ZNF407: variants seen among roughly 807,000 people sequenced by gnomAD.
The protein encoded by ZNF407 is zinc finger protein 407.
ZNF407 carries 17 observed loss-of-function variants against 131.2 expected under a neutral mutation model. The ratio of observed to expected loss-of-function variants is 0.13; its 90% confidence interval spans 0.09 to 0.19. ZNF407 has a LOEUF of 0.19. Ranked by LOEUF, ZNF407 falls within the 10% of genes least tolerant of loss-of-function variation. The pLI is 1.00. For synonymous variants in ZNF407, 1,156 were observed against 1,062.0 expected (o/e 1.09, Z -1.72); for missense variants, 2,681 against 2,830.6 (o/e 0.95, Z 1.20).
chr18:74,851,091 ATAAAT>A (rs1444291205), intron 4 of ZNF407, among the ~76,000 whole-genome samples: 2 of 152,248 alleles, frequency 1.3e-5, no homozygotes, highest in African/African-American at 4.8e-5. Context: ...CATTTTGAAG[ATAAAT>A]TAACGTGTAG....
At chr18:74,735,182 T>G (rs988846957) in intron 3 of ZNF407, among the ~76,000 whole-genome samples, 2 of 152,220 alleles carry the variant, frequency 1.3e-5, no homozygotes, top group Non-Finnish European at 2.9e-5. Flanking sequence ...GATGCACCAG[T>G]CTTTAATTTC....
intron 3 of ZNF407, among the ~76,000 whole-genome samples, chr18:74,669,781 G>C (rs577531953): frequency 1.3e-5 from 2 of 152,302 alleles, no homozygotes; most frequent in East Asian, 3.9e-4. Context: ...GGTTAGAGTA[G>C]AATTTTCAGA....
intron 8 of ZNF407, among the ~76,000 whole-genome samples, chr18:75,003,316 G>A (rs1366849035): frequency 6.6e-6 from 1 of 152,216 alleles, no homozygotes; most frequent in South Asian, 2.1e-4. Context: ...CCCATACACA[G>A]CATTTGCTAA....
chr18:74,995,031 C>A (rs1972764202), intron 8 of ZNF407, among the ~76,000 whole-genome samples: 1 of 152,180 alleles, frequency 6.6e-6, no homozygotes, highest in African/African-American at 2.4e-5. Flanking sequence ...AATCTTTACT[C>A]AATGTATGTA....
intron 4 of ZNF407, among the ~76,000 whole-genome samples, chr18:74,846,134 G>A (rs1252270944): frequency 6.6e-6 from 1 of 152,100 alleles, no homozygotes. Flanking sequence ...GAGGAAATGT[G>A]AACATTCAAA....
At chr18:75,056,961 T>C (rs1973568855) in intron 8 of ZNF407, among the ~76,000 whole-genome samples, 1 of 152,246 alleles carries the variant, frequency 6.6e-6, no homozygotes, top group Admixed American at 6.5e-5. Flanking sequence ...CTTAACATTC[T>C]TGTTAAAATT....
intron 3 of ZNF407, among the ~76,000 whole-genome samples, chr18:74,748,320 A>C (rs1838966892): frequency 6.6e-6 from 1 of 151,506 alleles, no homozygotes; most frequent in East Asian, 1.9e-4. Flanking sequence ...TAAGTAGTCA[A>C]ATTCTTGAGG....
At chr18:75,014,192 G>T (rs183123038) in intron 8 of ZNF407, among the ~76,000 whole-genome samples, 1 of 152,184 alleles carries the variant, frequency 6.6e-6, no homozygotes, top group African/African-American at 2.4e-5. Flanking sequence ...TCTTGAGAAA[G>T]TAGGCAAAGT....
intron 3 of ZNF407, among the ~76,000 whole-genome samples, chr18:74,658,510 TG>T: frequency 6.6e-6 from 1 of 152,162 alleles, no homozygotes. Flanking sequence ...ACAGGTTTAA[TG>T]GGTAAAGAAC....
rs555481324 is a variant in ZNF407, at chr18:74,869,466, G to C, written c.4878-7731G>C. ...CTGACTGGAATGGGTCTCATATGCA[G>C]TATAATTCCTTCCACCTGTTCTTCT... On this transcript the variant is annotated intron_variant, in intron 4 of 8. Transcript: ENST00000299687. Among the ~76,000 whole-genome samples the C allele has an allele frequency of 3.3e-5, 5 of 152,330 alleles. No individual in the cohort carries two copies. The East Asian group carries it at 9.6e-4, about 29-fold the overall frequency.
rs1316351424 is a variant in ZNF407, at chr18:74,925,176, A to G, written c.5428+4484A>G. On this transcript the variant is annotated intron_variant, in intron 8 of 8. Coordinates refer to ENST00000299687, the MANE Select transcript of ZNF407 (RefSeq NM_017757.3). ...CATTTAAATTAATTTTATTTTCATCAGTTTTTACATATGCTAAGACTTGGT... is the reference window on the plus strand; with the variant it reads ...CATTTAAATTAATTTTATTTTCATCGGTTTTTACATATGCTAAGACTTGGT... Among the ~76,000 whole-genome samples the G allele has an allele frequency of 2.0e-5, 3 of 152,148 alleles. No individual in the cohort carries two copies. The East Asian group carries it at 5.8e-4, about 29-fold the overall frequency.
At chr18:74,857,449 T>A in intron 4 of ZNF407, among the ~76,000 whole-genome samples, 1 of 152,296 alleles carries the variant, frequency 6.6e-6, no homozygotes. Context: ...TCCTTGAATT[T>A]ATTGAGCACC....
intron 3 of ZNF407, among the ~76,000 whole-genome samples, chr18:74,738,613 C>T (rs1968476768): frequency 6.6e-6 from 1 of 151,598 alleles, no homozygotes. Context: ...GTGGTGTGCT[C>T]CTGTAGTCCC....
intron 8 of ZNF407, among the ~76,000 whole-genome samples, chr18:75,029,319 T>C (rs944893363): frequency 6.6e-6 from 1 of 152,186 alleles, no homozygotes; most frequent in East Asian, 1.9e-4. Flanking sequence ...CTTGTGAGTG[T>C]TTTATATAGC....
intron 3 of ZNF407, among the ~76,000 whole-genome samples, chr18:74,708,117 G>T (rs2144838896): frequency 6.6e-6 from 1 of 152,120 alleles, no homozygotes; most frequent in South Asian, 2.1e-4. Context: ...TTAAATAAAA[G>T]AAACAACAAA....
intron 8 of ZNF407, among the ~76,000 whole-genome samples, chr18:75,044,623 T>G (rs980728418): frequency 6.6e-6 from 1 of 152,224 alleles, no homozygotes; most frequent in Non-Finnish European, 1.5e-5. Flanking sequence ...CCCGTCACTA[T>G]GGCCCGTGTC....
At position 74,632,711 on chromosome 18, in the gene ZNF407, C is replaced by T. The variant is rs1221866159; in HGVS notation, c.1692C>T (p.Phe564=). The part of the protein sequence containing the change: ...EMKFYCRTCD[F]SSMSRRDLDE... Reference sequence around the variant, plus strand: ...AATTTTACTGCCGTACTTGTGACTTCTCTAGTATGTCAAGAAGGGACTTAG... The same window carrying T: ...AATTTTACTGCCGTACTTGTGACTTTTCTAGTATGTCAAGAAGGGACTTAG... The change falls in exon 2 of 9, where the codon TTC becomes TTT. Residue 564 remains phenylalanine (F), a synonymous_variant. Coordinates refer to ENST00000299687, the MANE Select transcript of ZNF407 (RefSeq NM_017757.3). 9 of 1,614,010 alleles carry T rather than the reference C, an allele frequency of 5.6e-6. No individual in the cohort carries two copies. Among genetic ancestry groups the T allele is most frequent in the South Asian group, 1.1e-5 (1 of 91,088 alleles).
chr18:74,626,088 A>G (rs1983773616), intron 1 of ZNF407, among the ~76,000 whole-genome samples: 1 of 152,242 alleles, frequency 6.6e-6, no homozygotes, highest in South Asian at 2.1e-4. Context: ...AAACAACCAA[A>G]TTAAGAAACA....
intron 8 of ZNF407, among the ~76,000 whole-genome samples, chr18:75,022,329 A>G (rs1377353535): frequency 2.6e-5 from 4 of 152,184 alleles, no homozygotes; most frequent in African/African-American, 9.7e-5. Flanking sequence ...AACTATTTTC[A>G]CAGTGCTATT....
Sources: allele counts gnomAD v4.1 joint callset (sites outside exome capture counted in the v4.1 genomes callset), GRCh38; gene constraint gnomAD v4.1.1; transcripts MANE v1.5; gene names NCBI Gene and HGNC (gene_info 2026-07-23, HGNC 2026-07-21).